The following SASH1 variants were observed in gnomAD, a reference collection of about 807,000 sequenced individuals.
The protein encoded by SASH1 is SAM and SH3 domain-containing protein 1.
In SASH1, 44 loss-of-function variants were observed where a neutral mutation model predicts 125.2. The observed-to-expected ratio is 0.35, with a 90% CI of 0.28 to 0.45. The LOEUF is 0.45. Ranked by LOEUF, SASH1 falls within the 20% of genes least tolerant of loss-of-function variation. The pLI, the probability that SASH1 is intolerant of heterozygous loss-of-function variation, is 1.00. For missense variants in SASH1, 1,426 were observed against 1,614.5 expected, an observed-to-expected ratio of 0.88 and a Z score of 2.00; for synonymous variants, 639 against 649.1, an observed-to-expected ratio of 0.98 and a Z score of 0.24.
chr6:148,488,375 G>C (rs1204063793), intron 8 of SASH1, among the ~76,000 whole-genome samples: 4 of 152,172 alleles, frequency 2.6e-5, no homozygotes, highest in Non-Finnish European at 5.9e-5. Flanking sequence ...ACCACATTTT[G>C]TTTATCCATT....
chr6:148,245,045 G>A, the SASH1 span, among the ~76,000 whole-genome samples: 2 of 151,756 alleles, frequency 1.3e-5, no homozygotes, highest in African/African-American at 4.8e-5. Context: ...ATTACCCCAT[G>A]TTCAACTCAG....
In SASH1 at chr6:148,480,956, T is replaced by C. The variant is rs137896200; in HGVS notation, c.628-6658T>C. Among the ~76,000 whole-genome samples, 481 of 150,458 alleles carry C rather than the reference T, an allele frequency of 3.2e-3. 3 individuals carry two copies. The highest frequency in any genetic ancestry group is 0.011 in the African/African-American group (454 of 41,368). On this transcript the variant is annotated intron_variant, in intron 7 of 19. Coordinates refer to ENST00000367467, the MANE Select transcript of SASH1 (RefSeq NM_015278.5). ...CATCTAATGGCATTAACAGACATTT[T>C]CTAATAGCTTTATGATGGATAATTA...
At chr6:148,215,826 C>T in the SASH1 span, among the ~76,000 whole-genome samples, 1 of 152,008 alleles carries the variant, frequency 6.6e-6, no homozygotes, top group South Asian at 2.1e-4. Flanking sequence ...ACAGAGCTAG[C>T]AGAAATATCT....
intron 1 of SASH1, among the ~76,000 whole-genome samples, chr6:148,330,479 A>G (rs542374185): frequency 8.5e-5 from 13 of 152,350 alleles, no homozygotes; most frequent in African/African-American, 2.4e-4. Flanking sequence ...TGATAAATCA[A>G]TTTGGTTGAT....
At chr6:148,360,952 G>T (rs1782177225) in intron 1 of SASH1, among the ~76,000 whole-genome samples, 1 of 152,178 alleles carries the variant, frequency 6.6e-6, no homozygotes, top group South Asian at 2.1e-4. Flanking sequence ...TTAAGTTGAG[G>T]TCATTAGGGT....
the SASH1 span, among the ~76,000 whole-genome samples, chr6:148,204,824 A>G: frequency 6.6e-6 from 1 of 152,060 alleles, no homozygotes; most frequent in Admixed American, 6.5e-5. Flanking sequence ...AAATGAAAGT[A>G]TATAAAATTG....
At chr6:148,438,670 G>A (rs1220427965) in intron 2 of SASH1, among the ~76,000 whole-genome samples, 1 of 137,848 alleles carries the variant, frequency 7.3e-6, no homozygotes, top group Non-Finnish European at 1.5e-5. Context: ...CTTGTCTACA[G>A]TCATCCCATT....
intron 8 of SASH1, chr6:148,512,942 T>G (rs535967531): frequency 2.0e-6 from 2 of 985,314 alleles, no homozygotes; most frequent in Non-Finnish European, 2.4e-6. Context: ...GCTCCATGCC[T>G]TGAGTTCCAG....
At chr6:148,204,265 G>A in the SASH1 span, among the ~76,000 whole-genome samples, 1 of 152,202 alleles carries the variant, frequency 6.6e-6, no homozygotes, top group Admixed American at 6.5e-5. Context: ...AATAGGTGCT[G>A]GATGCTACTG....
the SASH1 span, among the ~76,000 whole-genome samples, chr6:148,229,235 T>A: frequency 2.6e-5 from 4 of 152,074 alleles, no homozygotes; most frequent in East Asian, 7.7e-4. Context: ...TAACTTTGAT[T>A]TTTTTCAAGA....
chr6:148,267,399 G>GTGTGTGTGTGTGTGTGTGTGTGTGTGT (rs55909678), upstream of SASH1, among the ~76,000 whole-genome samples: 11 of 142,188 alleles, frequency 7.7e-5, no homozygotes, highest in South Asian at 2.3e-4. Context: ...GTGTGTGTGA[G>GTGTGTGTGTGTGTGTGTGTGTGTGTGT]ATGGAGTCTC....
chr6:148,249,325 C>CGTGTGT, the SASH1 span, among the ~76,000 whole-genome samples: 48 of 129,024 alleles, frequency 3.7e-4, 1 homozygote, highest in South Asian at 5.9e-4. Context: ...TGCATGTGCA[C>CGTGTGT]GTGTGTGTGT....
chr6:148,263,108 A>C, the SASH1 span, among the ~76,000 whole-genome samples: 1 of 152,096 alleles, frequency 6.6e-6, no homozygotes. Context: ...CGGCAGGCAG[A>C]CTCCTTGGCA....
Position 148,544,937 on chromosome 6 carries a change from A to G in SASH1, c.3348+119A>G. ...GTAGCCCGCCCAGTGGACAGGAGAC[A>G]CCTGAATCCACGTGTCCACACCTTA... On this transcript the variant is annotated intron_variant, in intron 18 of 19. Transcript: ENST00000367467. The surrounding 1 kb of genome is among the most constrained non-coding windows in gnomAD (Gnocchi z 6.4). 1 of 905,474 alleles carries G rather than the reference A, an allele frequency of 1.1e-6. No homozygotes were observed. The highest frequency in any genetic ancestry group is 1.6e-6 in the Non-Finnish European group (1 of 611,818). 56.1% of individuals were successfully genotyped at this position (905,474 alleles called of 1,614,324 possible).
intron 1 of SASH1, among the ~76,000 whole-genome samples, chr6:148,381,617 CTTTTT>C (rs201145545): frequency 0.019 from 1,480 of 77,826 alleles, 14 homozygotes; most frequent in Middle Eastern, 0.045. Flanking sequence ...TTCTTGCTTT[CTTTTT>C]TTTTTTTTTT....
intron 2 of SASH1, among the ~76,000 whole-genome samples, chr6:148,427,040 G>A (rs148204442): frequency 0.012 from 1,767 of 152,256 alleles, 31 homozygotes; most frequent in African/African-American, 0.04. Context: ...TACTCGGGTG[G>A]CTGAGGCAGG....
intron 1 of SASH1, among the ~76,000 whole-genome samples, chr6:148,387,905 ATTTT>A (rs71004291): frequency 2.4e-4 from 13 of 53,964 alleles, no homozygotes; most frequent in Admixed American, 1.0e-3. Flanking sequence ...CGCCCTGCTA[ATTTT>A]TTTTTTTTTT....
At chr6:148,366,395 T>G (rs998935279) in intron 1 of SASH1, among the ~76,000 whole-genome samples, 1 of 152,084 alleles carries the variant, frequency 6.6e-6, no homozygotes, top group Non-Finnish European at 1.5e-5. Context: ...AAGAAAATAT[T>G]GGATACTTGG....
intron 4 of SASH1, among the ~76,000 whole-genome samples, chr6:148,446,695 T>G (rs1776810039): frequency 6.6e-6 from 1 of 152,126 alleles, no homozygotes; most frequent in Non-Finnish European, 1.5e-5. Context: ...TAATAATAGG[T>G]GATGCTTATT....
Sources: allele counts gnomAD v4.1 joint callset (sites outside exome capture counted in the v4.1 genomes callset), GRCh38; gene constraint gnomAD v4.1.1; non-coding constraint Gnocchi (gnomAD v3.1); transcripts MANE v1.5; gene names NCBI Gene and HGNC (gene_info 2026-07-23, HGNC 2026-07-21).